ALK: variants seen among roughly 807,000 people sequenced by gnomAD.
ALK encodes ALK receptor tyrosine kinase, also known as ALK tyrosine kinase receptor.
Under a neutral mutation model 163.1 loss-of-function variants are expected in ALK, and 74 were observed. The observed-to-expected ratio is 0.45, with a 90% CI of 0.38 to 0.55. The LOEUF (loss-of-function observed/expected upper bound fraction) is 0.55, where lower values mean the gene tolerates loss of function less well. Ranked by LOEUF, ALK falls within the 20% of genes least tolerant of loss-of-function variation. The probability of loss-of-function intolerance (pLI) is 0.00; values close to 1 mark genes in which losing one functional copy is unlikely to be tolerated. For synonymous variants in ALK, 960 were observed against 843.2 expected (o/e 1.14, Z -2.40); for missense variants, 2,063 against 2,105.3 (o/e 0.98, Z 0.39).
chr2:29,611,916 C>T (rs1330062598), intron 3 of ALK, among the ~76,000 whole-genome samples: 2 of 152,178 alleles, frequency 1.3e-5, no homozygotes, highest in Non-Finnish European at 2.9e-5. Context: ...TTACCAGTCT[C>T]GGGTAGTTCT....
At chr2:29,798,158 C>G (rs910608511) in intron 1 of ALK, among the ~76,000 whole-genome samples, 3 of 152,204 alleles carry the variant, frequency 2.0e-5, no homozygotes, top group Non-Finnish European at 4.4e-5. Flanking sequence ...GAAACAAGCA[C>G]AGAAGGCTAA....
chr2:29,378,407 A>T (rs1176859601), intron 5 of ALK, among the ~76,000 whole-genome samples: 1 of 152,138 alleles, frequency 6.6e-6, no homozygotes, highest in Non-Finnish European at 1.5e-5. Flanking sequence ...TTCTGTGCAA[A>T]CTGCAAGGTG....
In ALK at chr2:29,581,277, G is replaced by A. The variant is rs184737920; in HGVS notation, c.953-49161C>T. Among the ~76,000 whole-genome samples, 738 of 152,254 alleles carry A rather than the reference G, an allele frequency of 4.8e-3. 9 individuals are homozygous for A. Among genetic ancestry groups the A allele is most frequent in the African/African-American group, 0.017 (697 of 41,538 alleles). On this transcript the variant is annotated intron_variant, in intron 3 of 28. Transcript: ENST00000389048. ...GTGACACGCGCCTATAGTCCCAGCT[G>A]CTCGGGAGGCTGAGGCAGGAGAATC...
At chr2:29,408,798 G>T (rs1025601060) in intron 4 of ALK, among the ~76,000 whole-genome samples, 1 of 152,128 alleles carries the variant, frequency 6.6e-6, no homozygotes, top group Non-Finnish European at 1.5e-5. Flanking sequence ...TTCTGGAGGC[G>T]GGCAGACCTT....
chr2:29,277,407 C>T (rs1665575548), intron 9 of ALK, among the ~76,000 whole-genome samples: 2 of 152,194 alleles, frequency 1.3e-5, no homozygotes, highest in African/African-American at 2.4e-5. Flanking sequence ...AGCCTTGAAT[C>T]CCAAAACTTT....
At chr2:29,495,396 C>T (rs545813707) in intron 4 of ALK, among the ~76,000 whole-genome samples, 1 of 152,282 alleles carries the variant, frequency 6.6e-6, no homozygotes, top group South Asian at 2.1e-4. Context: ...GAGTCAAGGT[C>T]TCTTCCCCTC....
chr2:29,860,852 T>C (rs1459543384), intron 1 of ALK, among the ~76,000 whole-genome samples: 2 of 152,118 alleles, frequency 1.3e-5, no homozygotes, highest in Admixed American at 6.5e-5. Flanking sequence ...CCAAAACTTA[T>C]GAGATGCAGC....
chr2:29,713,600 C>T (rs1679167481), intron 2 of ALK, among the ~76,000 whole-genome samples: 1 of 152,162 alleles, frequency 6.6e-6, no homozygotes. Flanking sequence ...GCAGGGAAAG[C>T]TCATCTTTGA....
chr2:29,709,740 C>T (rs1679018124), intron 2 of ALK, among the ~76,000 whole-genome samples: 1 of 152,106 alleles, frequency 6.6e-6, no homozygotes, highest in African/African-American at 2.4e-5. Flanking sequence ...GTTGTGAATA[C>T]TTGCTATATG....
chr2:29,845,818 C>T (rs1665828036), intron 1 of ALK, among the ~76,000 whole-genome samples: 1 of 152,178 alleles, frequency 6.6e-6, no homozygotes, highest in East Asian at 1.9e-4. Flanking sequence ...GGTTGAGGAG[C>T]ACCTCTTGGG....
intron 4 of ALK, among the ~76,000 whole-genome samples, chr2:29,506,781 T>C (rs1672339151): frequency 6.6e-6 from 1 of 150,818 alleles, no homozygotes; most frequent in Admixed American, 6.6e-5. Flanking sequence ...AAGCAGGATT[T>C]GGATGGGGTA....
intron 3 of ALK, among the ~76,000 whole-genome samples, chr2:29,671,545 G>A (rs1677689218): frequency 6.6e-6 from 1 of 152,056 alleles, no homozygotes; most frequent in Non-Finnish European, 1.5e-5. Context: ...GAGACCCTAA[G>A]AAGGTGGAGA....
At chr2:29,565,697 A>G (rs116817281) in intron 3 of ALK, among the ~76,000 whole-genome samples, 10 of 152,278 alleles carry the variant, frequency 6.6e-5, no homozygotes, top group Non-Finnish European at 1.5e-4. Context: ...AGGGCCACAG[A>G]CAAAGGCAGC....
chr2:29,269,434 G>A (rs754877393), intron 11 of ALK, among the ~76,000 whole-genome samples: 8 of 152,142 alleles, frequency 5.3e-5, no homozygotes, highest in South Asian at 2.1e-4. Context: ...ACTCATTAGC[G>A]TTGGTAATGG....
intron 4 of ALK, among the ~76,000 whole-genome samples, chr2:29,491,439 C>T (rs897232851): frequency 1.3e-5 from 2 of 151,916 alleles, no homozygotes; most frequent in Non-Finnish European, 2.9e-5. Context: ...TCCATCTATC[C>T]CATGCAACTA....
intron 8 of ALK, among the ~76,000 whole-genome samples, chr2:29,308,063 T>C (rs555789300): frequency 7.1e-4 from 108 of 151,950 alleles, no homozygotes; most frequent in Admixed American, 2.4e-3. Flanking sequence ...TTCTGTGGTC[T>C]TTTCTTTCTT....
At chr2:29,395,948 T>G (rs1471156522) in intron 4 of ALK, among the ~76,000 whole-genome samples, 1 of 152,252 alleles carries the variant, frequency 6.6e-6, no homozygotes, top group East Asian at 1.9e-4. Flanking sequence ...TGGGTTTTCA[T>G]TTCTGAAGCC....
chr2:29,378,863 A>G (rs1177226903), intron 5 of ALK, among the ~76,000 whole-genome samples: 2 of 152,050 alleles, frequency 1.3e-5, no homozygotes, highest in Non-Finnish European at 2.9e-5. Context: ...GGTGCATGCC[A>G]CCATGCCTGG....
At position 29,391,313 on chromosome 2, in the gene ALK, G is replaced by T. The variant is rs923813563; in HGVS notation, c.1155-7454C>A. Among the ~76,000 whole-genome samples the T allele has an allele frequency of 4.1e-5, 6 of 147,786 alleles. 1 individual carries two copies. Among genetic ancestry groups the T allele is most frequent in the South Asian group, 4.4e-4 (2 of 4,548 alleles). ...TCCTAGCCTCTTTTTTTTGGGGGGGGGGTGGTGGTGTGGAGTGTCACTCTG... is the reference window on the plus strand; with the variant it reads ...TCCTAGCCTCTTTTTTTTGGGGGGGTGGTGGTGGTGTGGAGTGTCACTCTG... On this transcript the variant is annotated intron_variant, in intron 4 of 28. Coordinates refer to ENST00000389048, the MANE Select transcript of ALK (RefSeq NM_004304.5).
Sources: allele counts gnomAD v4.1 joint callset (sites outside exome capture counted in the v4.1 genomes callset), GRCh38; gene constraint gnomAD v4.1.1; transcripts MANE v1.5; gene names NCBI Gene and HGNC (gene_info 2026-07-23, HGNC 2026-07-21).